CSMD1: variants seen among roughly 807,000 people sequenced by gnomAD.
CSMD1 encodes CUB and sushi domain-containing protein 1.
CSMD1 carries 213 observed loss-of-function variants against 417.5 expected under a neutral mutation model. The observed-to-expected ratio is 0.51, with a 90% confidence interval of 0.46 to 0.57. CSMD1 has a LOEUF of 0.57. Ranked by LOEUF, CSMD1 falls within the 20% of genes least tolerant of loss-of-function variation. The pLI is 0.00. For missense variants in CSMD1, 6,923 were observed against 4,529.7 expected (o/e 1.53, Z -15.17); for synonymous variants, 2,862 against 1,736.8 (o/e 1.65, Z -16.11).
At chr8:4,562,493 G>A (rs542866739) in intron 2 of CSMD1, among the ~76,000 whole-genome samples, 3 of 152,226 alleles carry the variant, frequency 2.0e-5, no homozygotes, top group East Asian at 1.9e-4. Flanking sequence ...CTTATCAGTC[G>A]TAAAACAAAC....
intron 3 of CSMD1, among the ~76,000 whole-genome samples, chr8:4,400,842 T>A (rs1394205918): frequency 6.6e-6 from 1 of 152,076 alleles, no homozygotes; most frequent in Non-Finnish European, 1.5e-5. Context: ...GAAGAACATT[T>A]TTTATTTAAT....
chr8:4,274,154 T>C (rs1185310405), intron 3 of CSMD1, among the ~76,000 whole-genome samples: 1 of 152,170 alleles, frequency 6.6e-6, no homozygotes. Context: ...TACTCACTAA[T>C]GTATTTTTTT....
intron 48 of CSMD1, among the ~76,000 whole-genome samples, chr8:3,089,499 A>T (rs922984100): frequency 6.6e-6 from 1 of 152,186 alleles, no homozygotes; most frequent in Non-Finnish European, 1.5e-5. Flanking sequence ...TGCCTGAATG[A>T]TCAAGAGTTT....
intron 3 of CSMD1, among the ~76,000 whole-genome samples, chr8:4,398,642 C>A (rs571268810): frequency 1.3e-5 from 2 of 151,970 alleles, no homozygotes; most frequent in Admixed American, 6.6e-5. Flanking sequence ...TGATCTGCCC[C>A]TCTTGGCCTC....
intron 11 of CSMD1, among the ~76,000 whole-genome samples, chr8:3,487,594 G>C (rs117347829): frequency 3.9e-5 from 6 of 152,104 alleles, no homozygotes; most frequent in South Asian, 2.1e-4. Context: ...CCAAAGTATC[G>C]GGTAAATTTG....
intron 5 of CSMD1, among the ~76,000 whole-genome samples, chr8:3,817,780 C>G (rs1183499938): frequency 7.9e-5 from 12 of 152,082 alleles, no homozygotes; most frequent in Admixed American, 7.9e-4. Flanking sequence ...AGCCCCAATG[C>G]AGACCAAAGT....
chr8:4,031,830 A>G (rs1473700957), intron 4 of CSMD1, 75 bp downstream of exon 4: 1 of 1,146,822 alleles, frequency 8.7e-7, no homozygotes, highest in East Asian at 2.6e-5. Context: ...TTTAAGTGGA[A>G]ACTTTCATAA....
chr8:3,277,843 G>A (rs1375521865), intron 26 of CSMD1, among the ~76,000 whole-genome samples: 1 of 152,066 alleles, frequency 6.6e-6, no homozygotes, highest in Non-Finnish European at 1.5e-5. Flanking sequence ...ATGTCCAAGG[G>A]TTACATTAAA....
intron 7 of CSMD1, among the ~76,000 whole-genome samples, chr8:3,693,785 G>A (rs1268195678): frequency 6.6e-6 from 1 of 151,838 alleles, no homozygotes; most frequent in African/African-American, 2.4e-5. Flanking sequence ...GAATATAGAT[G>A]TGTGTTGGCG....
chr8:3,231,833 G>C (rs1295545589), intron 26 of CSMD1, among the ~76,000 whole-genome samples: 1 of 152,102 alleles, frequency 6.6e-6, no homozygotes, highest in South Asian at 2.1e-4. Flanking sequence ...CTTATCATCA[G>C]CTAACAAATC....
chr8:3,126,362 G>C (rs983444371), intron 41 of CSMD1, among the ~76,000 whole-genome samples: 5 of 152,166 alleles, frequency 3.3e-5, no homozygotes, highest in African/African-American at 1.2e-4. Flanking sequence ...GATGGAGACA[G>C]ACCCAGGAGG....
intron 26 of CSMD1, among the ~76,000 whole-genome samples, chr8:3,241,671 G>T (rs955292385): frequency 6.6e-6 from 1 of 152,142 alleles, no homozygotes; most frequent in Admixed American, 6.5e-5. Context: ...CAGATTTCTG[G>T]CACTTGTAGC....
intron 31 of CSMD1, among the ~76,000 whole-genome samples, chr8:3,202,535 C>T (rs919676930): frequency 1.4e-4 from 22 of 152,086 alleles, no homozygotes; most frequent in East Asian, 9.6e-4. Context: ...ATACAGAGGG[C>T]CTTTATATTT....
chr8:3,536,973 T>C (rs1391620972), intron 10 of CSMD1, among the ~76,000 whole-genome samples: 2 of 152,162 alleles, frequency 1.3e-5, no homozygotes, highest in Non-Finnish European at 2.9e-5. Context: ...TGCAACATTG[T>C]GCAACAATAG....
intron 1 of CSMD1, among the ~76,000 whole-genome samples, chr8:4,817,332 A>G (rs928773371): frequency 6.6e-6 from 1 of 152,194 alleles, no homozygotes; most frequent in African/African-American, 2.4e-5. Flanking sequence ...TCAAGCTCAC[A>G]TTTTTAATAT....
At chr8:4,466,164 C>A (rs771363899) in intron 2 of CSMD1, among the ~76,000 whole-genome samples, 2 of 152,054 alleles carry the variant, frequency 1.3e-5, no homozygotes, top group African/African-American at 4.8e-5. Flanking sequence ...AGTCTTACTC[C>A]GTGGTCTTAA....
chr8:4,288,694 A>G (rs1265226291), intron 3 of CSMD1, among the ~76,000 whole-genome samples: 1 of 152,120 alleles, frequency 6.6e-6, no homozygotes. Flanking sequence ...CTCGTTGTAG[A>G]GTCTTCTAGT....
At chr8:3,852,386 T>A (rs1024572896) in intron 5 of CSMD1, among the ~76,000 whole-genome samples, 1 of 152,052 alleles carries the variant, frequency 6.6e-6, no homozygotes, top group Admixed American at 6.6e-5. Context: ...CCCAGCCAAG[T>A]GGATGAGCAT....
chr8:4,008,190 G>A (rs759285974), intron 4 of CSMD1, among the ~76,000 whole-genome samples: 13 of 152,048 alleles, frequency 8.5e-5, no homozygotes, highest in Non-Finnish European at 1.5e-4. Flanking sequence ...GCAAGCTACA[G>A]GGCAGCTGGA....
Sources: allele counts gnomAD v4.1 joint callset (sites outside exome capture counted in the v4.1 genomes callset), GRCh38; gene constraint gnomAD v4.1.1; transcripts MANE v1.5; gene names NCBI Gene and HGNC (gene_info 2026-07-23, HGNC 2026-07-21).